Variants in GTF2I observed in about 807,000 individuals in gnomAD.
GTF2I encodes the protein general transcription factor IIi.
A neutral mutation model predicts 67.6 loss-of-function variants in GTF2I; 12 were observed. That is an observed-to-expected ratio of 0.18 (90% CI 0.11 to 0.29). The LOEUF is 0.29. GTF2I is among the 10% of genes least tolerant of loss of function. The pLI, the probability that GTF2I is intolerant of heterozygous loss-of-function variation, is 1.00. For synonymous variants in GTF2I, 149 were observed against 197.0 expected, an observed-to-expected ratio of 0.76 and a Z score of 2.04; for missense variants, 271 against 580.1, an observed-to-expected ratio of 0.47 and a Z score of 5.47.
At chr7:74,669,423 G>A (rs1227576796) in intron 1 of GTF2I, among the ~76,000 whole-genome samples, 3 of 151,014 alleles carry the variant, frequency 2.0e-5, no homozygotes, top group African/African-American at 4.9e-5. Flanking sequence ...AGAGAACGAG[G>A]TTTCATCATG....
intron 2 of GTF2I, 78 bp from the exon 3 acceptor site, chr7:74,690,895 A>G: frequency 7.6e-7 from 1 of 1,317,356 alleles, no homozygotes; most frequent in Non-Finnish European, 1.1e-6. Context: ...AAATGTTGTT[A>G]GTTTTTTTAA....
intron 1 of GTF2I, among the ~76,000 whole-genome samples, chr7:74,674,425 A>G (rs1290401157): frequency 6.6e-6 from 1 of 152,170 alleles, no homozygotes; most frequent in East Asian, 1.9e-4. Context: ...AAACTTGCTC[A>G]CATATCTTTC....
In GTF2I at chr7:74,677,226, A is replaced by G. The variant is rs1347062909; in HGVS notation, c.-5-11898A>G. On this transcript the variant is annotated intron_variant, in intron 1 of 34. Coordinates refer to ENST00000573035, the MANE Select transcript of GTF2I (RefSeq NM_032999.4). Reference sequence around the variant, plus strand: ...TAGACTAAAGTCAGCTGATTGAACTACTAGTATTAGATCTTTTGGATTTAT... The same window carrying G: ...TAGACTAAAGTCAGCTGATTGAACTGCTAGTATTAGATCTTTTGGATTTAT... Among the ~76,000 whole-genome samples, 6 of 152,214 alleles carry G rather than the reference A, an allele frequency of 3.9e-5. No homozygotes were observed. The East Asian group carries it at 5.8e-4, about 15-fold the overall frequency.
In GTF2I at chr7:74,723,428, C is replaced by CTT. The variant is rs58149301; in HGVS notation, c.943+4506_943+4507dup. The stretch of plus-strand genomic sequence containing the variant: ...AGGCATAAGCCACCGCTCCCGGCCT[C>CTT]TTTTTTTTTTTTTTTTTTTTAAGAC... On this transcript the variant is annotated intron_variant, in intron 12 of 34. Transcript: ENST00000573035. 2.0e-4 allele frequency among the ~76,000 whole-genome samples: 12 copies of CTT among 61,068 alleles called. 1 individual carries two copies. The highest frequency in any genetic ancestry group is 1.7e-3 in the East Asian group (3 of 1,800). The allele number at this position is 61,068 out of a possible 152,430, so 40.1% of individuals were successfully genotyped here.
At chr7:74,681,804 C>T (rs587771724) in intron 1 of GTF2I, among the ~76,000 whole-genome samples, 5 of 151,326 alleles carry the variant, frequency 3.3e-5, no homozygotes, top group Admixed American at 6.6e-5. Context: ...CCCAGCTACT[C>T]GGGAGGCTGA....
intron 9 of GTF2I, 137 bp downstream of exon 9, chr7:74,711,246 C>T: frequency 2.1e-6 from 1 of 470,446 alleles, no homozygotes; most frequent in Non-Finnish European, 3.8e-6. Context: ...GTAATTCAGT[C>T]CCGGGGATAA....
At chr7:74,750,282 A>C (rs1350276942) in intron 26 of GTF2I, among the ~76,000 whole-genome samples, 8 of 111,878 alleles carry the variant, frequency 7.2e-5, no homozygotes, top group African/African-American at 2.1e-4. Flanking sequence ...AAATACAAAA[A>C]AAAAAAAAAA....
intron 1 of GTF2I, among the ~76,000 whole-genome samples, chr7:74,663,807 T>C (rs1804725388): frequency 6.6e-6 from 1 of 152,092 alleles, no homozygotes. Context: ...AGAAGATGTG[T>C]GTTTTTTTAT....
intron 1 of GTF2I, among the ~76,000 whole-genome samples, chr7:74,661,748 C>T (rs1396941592): frequency 1.3e-5 from 2 of 152,038 alleles, no homozygotes; most frequent in African/African-American, 4.8e-5. Flanking sequence ...GTAGATTGCT[C>T]AGAAAACTGG....
At chr7:74,687,886 A>G (rs1472615559) in intron 1 of GTF2I, among the ~76,000 whole-genome samples, 1 of 152,162 alleles carries the variant, frequency 6.6e-6, no homozygotes, top group South Asian at 2.1e-4. Context: ...AAGTTTATTT[A>G]ATTATTCAAT....
At chr7:74,746,047 A>AGTT (rs1424446559) in intron 22 of GTF2I, 106 bp downstream of exon 22, 1 of 290,472 alleles carries the variant, frequency 3.4e-6, no homozygotes, top group East Asian at 8.0e-5. Context: ...TGGGGCTTGG[A>AGTT]GTTGTTTACT....
intron 1 of GTF2I, among the ~76,000 whole-genome samples, chr7:74,683,390 T>G (rs1305093448): frequency 6.6e-6 from 1 of 152,210 alleles, no homozygotes; most frequent in Non-Finnish European, 1.5e-5. Flanking sequence ...ATTGTCAACC[T>G]AGGTTTCTAT....
chr7:74,679,866 A>T (rs1787060490), intron 1 of GTF2I, among the ~76,000 whole-genome samples: 1 of 151,892 alleles, frequency 6.6e-6, no homozygotes, highest in Admixed American at 6.6e-5. Flanking sequence ...AGATTTCCTG[A>T]GGTCAGGAGT....
intron 3 of GTF2I, among the ~76,000 whole-genome samples, chr7:74,694,863 CT>C (rs1788731606): frequency 6.6e-6 from 1 of 152,226 alleles, no homozygotes; most frequent in Admixed American, 6.5e-5. Flanking sequence ...CCGCTGGTTA[CT>C]TTGAAGCCAT....
At position 74,708,117 on chromosome 7, in the gene GTF2I, T is replaced by C. The variant is rs587645729; in HGVS notation, c.685+1684T>C. Among the ~76,000 whole-genome samples the C allele has an allele frequency of 2.1e-4, 32 of 152,096 alleles. No individual in the cohort carries two copies. In the South Asian group the frequency reaches 6.6e-3, roughly 32 times the overall value. ...GAGTTGGAGACCGGCCTGGCCAACATGGTGAAACCCAGTCTCTACTAAAAA... is the reference window on the plus strand; with the variant it reads ...GAGTTGGAGACCGGCCTGGCCAACACGGTGAAACCCAGTCTCTACTAAAAA... On this transcript the variant is annotated intron_variant, in intron 8 of 34. Coordinates refer to ENST00000573035, the MANE Select transcript of GTF2I (RefSeq NM_032999.4).
intron 10 of GTF2I, 30 bp from the exon 11 acceptor site, chr7:74,716,864 T>G: frequency 6.7e-7 from 1 of 1,497,142 alleles, no homozygotes. Flanking sequence ...TTTTTATTGG[T>G]TTATTATATG....
In GTF2I at chr7:74,700,400, A is replaced by G; in HGVS notation, c.527A>G (p.Asn176Ser). Residue 176 changes from asparagine (N) to serine (S), a missense_variant, in exon 5 of 35, where the codon AAC becomes AGC. This residue lies in a region of GTF2I where 38 missense variants were observed against 87.8 expected (regional missense o/e 0.43). Transcript: ENST00000573035. Reference sequence around the variant, plus strand: ...GCAACCCTGAAATGGATTTTGGAGAACAAAGCAGGGATTTCATTCATCATT... The same window carrying G: ...GCAACCCTGAAATGGATTTTGGAGAGCAAAGCAGGGATTTCATTCATCATT... ...DLATLKWILE[N>S]KAGISFIIKR... 6.2e-7 allele frequency: 1 copy of G among 1,614,190 alleles called. No individual in the cohort carries two copies.
At chr7:74,690,842 A>T in intron 2 of GTF2I, 131 bp from the exon 3 acceptor site, 1 of 845,754 alleles carries the variant, frequency 1.2e-6, no homozygotes, top group Non-Finnish European at 1.9e-6. Context: ...TCTTTTGTTT[A>T]AAATCAGGCC....
chr7:74,703,732 G>A lies in GTF2I; in HGVS notation c.587-1432G>A, dbSNP rs187515895. Among the ~76,000 whole-genome samples, 346 of 152,244 alleles carry A rather than the reference G, an allele frequency of 2.3e-3. 7 individuals are homozygous for A. Among genetic ancestry groups the A allele is most frequent in the Non-Finnish European group, 5.6e-4 (38 of 68,024 alleles). On this transcript the variant is annotated intron_variant, in intron 6 of 34. Transcript: ENST00000573035. ...AAGAAACCATTGCGTAAACCCAAAG[G>A]CATGAAGATATGACTTCTGTGTTTT...
Sources: allele counts gnomAD v4.1 joint callset (sites outside exome capture counted in the v4.1 genomes callset), GRCh38; gene constraint gnomAD v4.1.1; regional missense constraint gnomAD v4.1.1; transcripts MANE v1.5; gene names NCBI Gene and HGNC (gene_info 2026-07-23, HGNC 2026-07-21).